Variants in RORA observed in about 807,000 individuals in gnomAD.
RORA encodes the protein nuclear receptor ROR-alpha.
Under a neutral mutation model 69.5 loss-of-function variants are expected in RORA, and 7 were observed. That is an observed-to-expected ratio of 0.10 (90% confidence interval 0.06 to 0.19). The LOEUF is 0.19. RORA is among the 10% of genes least tolerant of loss of function. RORA has a pLI of 1.00. For synonymous variants in RORA, 261 were observed against 240.8 expected (o/e 1.08, Z -0.78); for missense variants, 457 against 663.0 (o/e 0.69, Z 3.41).
At chr15:60,964,630 C>T (rs973990729) in intron 1 of RORA, among the ~76,000 whole-genome samples, 1 of 151,928 alleles carries the variant, frequency 6.6e-6, no homozygotes, top group African/African-American at 2.4e-5. Flanking sequence ...GTGGCAAATG[C>T]AGGTGAGTAC....
chr15:60,672,058 G>T (rs569955433), intron 2 of RORA, among the ~76,000 whole-genome samples: 1 of 152,134 alleles, frequency 6.6e-6, no homozygotes, highest in Non-Finnish European at 1.5e-5. Flanking sequence ...CTACACTCCC[G>T]CTTGGCCAAC....
intron 1 of RORA, among the ~76,000 whole-genome samples, chr15:60,713,386 G>T (rs2071171500): frequency 6.6e-6 from 1 of 152,066 alleles, no homozygotes; most frequent in South Asian, 2.1e-4. Context: ...AAGACAAAGG[G>T]AATGTTTAAT....
rs145218476 is a variant in RORA at position 61,013,919 on chromosome 15, G to A, written c.166+215134C>T. ...CTGCCTCAGCCTCCCGAGTAGCTGC[G>A]TCTACAGGCGCCCGCCACCACGCCA... On this transcript the variant is annotated intron_variant, in intron 1 of 10. Coordinates refer to ENST00000335670, the MANE Select transcript of RORA (RefSeq NM_134261.3). Among the ~76,000 whole-genome samples, 613 of 151,432 alleles carry A rather than the reference G, an allele frequency of 4.0e-3. 4 individuals are homozygous for A. Among genetic ancestry groups the A allele is most frequent in the African/African-American group, 0.014 (567 of 41,262 alleles).
At chr15:60,827,717 G>A (rs868776799) in intron 1 of RORA, among the ~76,000 whole-genome samples, 3 of 152,176 alleles carry the variant, frequency 2.0e-5, no homozygotes, top group Non-Finnish European at 4.4e-5. Context: ...CTGCCTGTGC[G>A]GGTCCCTGGG....
At chr15:60,859,918 G>A (rs930554191) in intron 1 of RORA, among the ~76,000 whole-genome samples, 1 of 151,988 alleles carries the variant, frequency 6.6e-6, no homozygotes, top group Non-Finnish European at 1.5e-5. Context: ...CCCTGCAGCC[G>A]ATCCCTGACA....
chr15:60,530,131 C>G (rs968205325), intron 3 of RORA: 21 of 152,302 alleles, frequency 1.4e-4, no homozygotes, highest in African/African-American at 5.1e-4. Context: ...GGAGGCAGAA[C>G]ACAAGACAGG....
chr15:61,158,077 C>A (rs138401645), intron 1 of RORA, among the ~76,000 whole-genome samples: 33 of 152,258 alleles, frequency 2.2e-4, no homozygotes, highest in African/African-American at 7.7e-4. Context: ...TACCAAATTC[C>A]CTTTCAGAAG....
chr15:60,723,232 C>T (rs2071314918), intron 1 of RORA, among the ~76,000 whole-genome samples: 1 of 152,070 alleles, frequency 6.6e-6, no homozygotes, highest in Non-Finnish European at 1.5e-5. Context: ...AATGGCTTAA[C>T]ATATAAAGTT....
chr15:61,171,732 A>G (rs2079586945), intron 1 of RORA, among the ~76,000 whole-genome samples: 1 of 152,208 alleles, frequency 6.6e-6, no homozygotes, highest in Non-Finnish European at 1.5e-5. Context: ...TTTACTGGCT[A>G]CATCTTTAGC....
chr15:60,939,220 T>C (rs1196922661), intron 1 of RORA, among the ~76,000 whole-genome samples: 2 of 152,170 alleles, frequency 1.3e-5, no homozygotes, highest in African/African-American at 2.4e-5. Flanking sequence ...CATTGTATTA[T>C]ATACAACAAA....
chr15:61,126,463 T>A (rs982664115), intron 1 of RORA, among the ~76,000 whole-genome samples: 1 of 152,222 alleles, frequency 6.6e-6, no homozygotes, highest in East Asian at 1.9e-4. Context: ...AACTTATTCA[T>A]CCTAACTAAA....
chr15:61,121,893 A>C, intron 1 of RORA, among the ~76,000 whole-genome samples: 1 of 152,106 alleles, frequency 6.6e-6, no homozygotes, highest in East Asian at 1.9e-4. Flanking sequence ...AAGGATCCAT[A>C]TACATACTGC....
At chr15:60,998,646 G>A (rs1894644810) in intron 1 of RORA, among the ~76,000 whole-genome samples, 1 of 152,106 alleles carries the variant, frequency 6.6e-6, no homozygotes, top group African/African-American at 2.4e-5. Context: ...TGATCTGCCG[G>A]CCTCAGTCTC....
At chr15:60,794,925 G>C (rs341431) in intron 1 of RORA, among the ~76,000 whole-genome samples, 148 of 152,270 alleles carry the variant, frequency 9.7e-4, no homozygotes, top group African/African-American at 3.5e-3. Flanking sequence ...TGTGGAAAAT[G>C]GGTGGTGCTG....
intron 1 of RORA, among the ~76,000 whole-genome samples, chr15:60,732,794 C>T (rs1409456831): frequency 1.3e-5 from 2 of 151,514 alleles, no homozygotes; most frequent in Non-Finnish European, 2.9e-5. Context: ...CACACACACA[C>T]CCACATACAC....
intron 1 of RORA, among the ~76,000 whole-genome samples, chr15:60,826,771 CTCTCTCTCTCTCTCTCTCTTTTTTT>C (rs1265637548): frequency 8.5e-5 from 4 of 46,986 alleles, no homozygotes; most frequent in Admixed American, 2.9e-4. Context: ...CTCTCCCTCT[CTCTCTCTCTCTCTCTCTCTTTTTTT>C]TTTAAAGACA....
In RORA at chr15:60,531,163, G is replaced by T. The variant is rs1189572874; in HGVS notation, c.282+603C>A. 1 of 152,196 alleles carries T rather than the reference G, an allele frequency of 6.6e-6. No homozygotes were observed. The highest frequency in any genetic ancestry group is 2.1e-4 in the South Asian group (1 of 4,824). The allele number at this position is 152,196 out of a possible 1,614,324, so 9.4% of individuals were successfully genotyped here. A position where few individuals can be genotyped will look rare whatever the true frequency, so the allele number is the denominator to read the frequency against. The stretch of plus-strand genomic sequence containing the variant: ...TTTCTGTTTGTAAGGACTTTTTTAT[G>T]TACAGGTTCTCCTTCTATTCTTGGA... On this transcript the variant is annotated intron_variant, in intron 3 of 10. Coordinates refer to ENST00000335670, the MANE Select transcript of RORA (RefSeq NM_134261.3). This position sits in a 1 kb window ranked among gnomAD's most constrained non-coding sequence, Gnocchi z 4.8.
chr15:61,054,673 G>A (rs1308548238), intron 1 of RORA, among the ~76,000 whole-genome samples: 1 of 152,038 alleles, frequency 6.6e-6, no homozygotes, highest in Non-Finnish European at 1.5e-5. Context: ...AGGTGCTGGT[G>A]GTATATGAAT....
At chr15:60,935,127 T>A (rs1892483173) in intron 1 of RORA, among the ~76,000 whole-genome samples, 1 of 152,214 alleles carries the variant, frequency 6.6e-6, no homozygotes, top group Admixed American at 6.5e-5. Context: ...TCACAAGCAT[T>A]TACACTGTGT....
Sources: gnomAD v4.1 joint callset for allele counts (sites outside exome capture counted in the v4.1 genomes callset) on GRCh38, gnomAD v4.1.1 for gene constraint, Gnocchi (gnomAD v3.1) non-coding constraint, MANE v1.5 for transcripts, NCBI Gene and HGNC (gene_info 2026-07-23, HGNC 2026-07-21) for gene names.